Variants in PTPRD observed in about 807,000 individuals in gnomAD.
PTPRD encodes the protein protein tyrosine phosphatase receptor type D.
Under a neutral mutation model 214.5 loss-of-function variants are expected in PTPRD, and 34 were observed. The ratio of observed to expected loss-of-function variants is 0.16; its 90% CI spans 0.12 to 0.21. The LOEUF (loss-of-function observed/expected upper bound fraction) is 0.21, where lower values mean the gene tolerates loss of function less well. Among genes scored for constraint, PTPRD ranks in the 10% least tolerant of loss-of-function variants. PTPRD has a pLI of 1.00. For missense variants in PTPRD, 2,545 were observed against 2,398.7 expected (o/e 1.06, Z -1.27); for synonymous variants, 1,128 against 845.7 (o/e 1.33, Z -5.79).
At chr9:9,525,056 A>G (rs1185159449) in intron 8 of PTPRD, among the ~76,000 whole-genome samples, 1 of 152,136 alleles carries the variant, frequency 6.6e-6, no homozygotes, top group Non-Finnish European at 1.5e-5. Context: ...ACACCGTTTC[A>G]CCATGTTAGC....
At chr9:9,095,777 T>C (rs1216080104) in intron 10 of PTPRD, among the ~76,000 whole-genome samples, 1 of 152,164 alleles carries the variant, frequency 6.6e-6, no homozygotes, top group African/African-American at 2.4e-5. Context: ...AAATAAATCA[T>C]CACTTTGTTA....
At chr9:8,886,830 A>G (rs1250223357) in intron 11 of PTPRD, among the ~76,000 whole-genome samples, 1 of 152,236 alleles carries the variant, frequency 6.6e-6, no homozygotes, top group Non-Finnish European at 1.5e-5. Flanking sequence ...ACATTTCCAT[A>G]TAATACAGAG....
In PTPRD at chr9:10,217,620, C is replaced by T. The variant is rs762896045; in HGVS notation, c.-545+123343G>A. Among the ~76,000 whole-genome samples, 9 of 152,078 alleles carry T rather than the reference C, an allele frequency of 5.9e-5. No homozygotes were observed. In the South Asian group the frequency reaches 1.0e-3, roughly 17 times the overall value. On this transcript the variant is annotated intron_variant, in intron 3 of 45. Coordinates refer to ENST00000381196, the MANE Select transcript of PTPRD (RefSeq NM_002839.4). ...ACTTGAGATGAGCTTAATGCCTTCTCTGTCCAAGAGGAAAAAATGAAATTT... is the reference window on the plus strand; with the variant it reads ...ACTTGAGATGAGCTTAATGCCTTCTTTGTCCAAGAGGAAAAAATGAAATTT...
At chr9:8,873,467 G>A (rs2098337015) in intron 11 of PTPRD, among the ~76,000 whole-genome samples, 1 of 152,140 alleles carries the variant, frequency 6.6e-6, no homozygotes, top group South Asian at 2.1e-4. Context: ...CTAGTTTCTA[G>A]GATGATACCT....
intron 7 of PTPRD, among the ~76,000 whole-genome samples, chr9:9,606,198 T>C (rs1165136498): frequency 6.6e-6 from 1 of 152,112 alleles, no homozygotes; most frequent in Non-Finnish European, 1.5e-5. Context: ...TCGGTCAAAC[T>C]TACTATTAAA....
At chr9:9,312,743 T>A (rs1262885190) in intron 9 of PTPRD, among the ~76,000 whole-genome samples, 1 of 152,128 alleles carries the variant, frequency 6.6e-6, no homozygotes, top group Non-Finnish European at 1.5e-5. Flanking sequence ...AGAAAATAAA[T>A]GAATGAATGA....
intron 30 of PTPRD, among the ~76,000 whole-genome samples, chr9:8,476,387 G>T (rs2096765589): frequency 6.6e-6 from 1 of 152,132 alleles, no homozygotes. Context: ...ACCTCCTGCT[G>T]TGTGGTCGGG....
chr9:10,368,553 A>G (rs954266815), intron 2 of PTPRD, among the ~76,000 whole-genome samples: 2 of 152,124 alleles, frequency 1.3e-5, no homozygotes, highest in Non-Finnish European at 2.9e-5. Context: ...TTAAAGTAAT[A>G]GAGTTTTAAT....
At chr9:10,549,078 AATTAC>A (rs2060754278) in intron 2 of PTPRD, among the ~76,000 whole-genome samples, 1 of 152,192 alleles carries the variant, frequency 6.6e-6, no homozygotes, top group African/African-American at 2.4e-5. Context: ...CTATTATATT[AATTAC>A]ATCAACTTAT....
chr9:8,765,681 G>A (rs2094684753), intron 11 of PTPRD, among the ~76,000 whole-genome samples: 1 of 152,176 alleles, frequency 6.6e-6, no homozygotes, highest in African/African-American at 2.4e-5. Context: ...ACTCACAGAA[G>A]CTGTGAGATA....
intron 10 of PTPRD, among the ~76,000 whole-genome samples, chr9:9,092,819 GATC>G (rs944388494): frequency 5.3e-5 from 8 of 151,874 alleles, no homozygotes; most frequent in African/African-American, 7.2e-5. Context: ...AAAAAATTAT[GATC>G]ATCAACCATA....
chr9:10,583,063 G>A (rs996833771), intron 2 of PTPRD, among the ~76,000 whole-genome samples: 3 of 152,092 alleles, frequency 2.0e-5, no homozygotes, highest in Admixed American at 2.0e-4. Context: ...TCTGGGAGTG[G>A]GTGGTATTAA....
intron 12 of PTPRD, among the ~76,000 whole-genome samples, chr9:8,733,361 G>C (rs182866849): frequency 1.0e-3 from 155 of 152,174 alleles, no homozygotes; most frequent in South Asian, 1.9e-3. Flanking sequence ...GTTTAATTAG[G>C]CTCATTGTGA....
Position 9,029,442 on chromosome 9 carries a change from A to G in PTPRD, c.-142-10707T>C, listed in dbSNP as rs1435701111. On this transcript the variant is annotated intron_variant, in intron 10 of 45. Transcript: ENST00000381196. ...ACAAGGGCTAGATAAAGCAGGTGGC[A>G]ATGGGAAAAATTGGGTAGCAGTGTA... Among the ~76,000 whole-genome samples, 3 of 152,050 alleles carry G rather than the reference A, an allele frequency of 2.0e-5. No individual in the cohort carries two copies. The East Asian group carries it at 5.8e-4, about 29-fold the overall frequency.
chr9:10,433,838 T>A (rs1016403480), intron 2 of PTPRD, among the ~76,000 whole-genome samples: 2 of 151,848 alleles, frequency 1.3e-5, no homozygotes, highest in South Asian at 2.1e-4. Context: ...AAACTCTTTA[T>A]AAAGTGAATA....
At chr9:10,275,422 G>T (rs1254981153) in intron 3 of PTPRD, among the ~76,000 whole-genome samples, 1 of 151,948 alleles carries the variant, frequency 6.6e-6, no homozygotes, top group Non-Finnish European at 1.5e-5. Flanking sequence ...AATTGAGAGG[G>T]ATGAGAGAGA....
chr9:8,331,278 ACAACGAATT>A (rs1840588549), intron 44 of PTPRD, among the ~76,000 whole-genome samples: 1 of 152,156 alleles, frequency 6.6e-6, no homozygotes, highest in Non-Finnish European at 1.5e-5. Context: ...GAAATGATTA[ACAACGAATT>A]ATTACTAGGG....
intron 8 of PTPRD, among the ~76,000 whole-genome samples, chr9:9,573,763 A>C (rs1163881272): frequency 1.3e-5 from 2 of 151,882 alleles, no homozygotes; most frequent in Admixed American, 1.3e-4. Context: ...CTTTCCTCCT[A>C]TATGACACTT....
At chr9:9,877,573 C>T (rs1315068037) in intron 5 of PTPRD, among the ~76,000 whole-genome samples, 1 of 152,102 alleles carries the variant, frequency 6.6e-6, no homozygotes, top group Non-Finnish European at 1.5e-5. Flanking sequence ...ATGTTTTCTG[C>T]TCCAAGACTT....
Sources: allele counts gnomAD v4.1 joint callset (sites outside exome capture counted in the v4.1 genomes callset), GRCh38; gene constraint gnomAD v4.1.1; transcripts MANE v1.5; gene names NCBI Gene and HGNC (gene_info 2026-07-23, HGNC 2026-07-21).